Variants in H6PD observed in about 807,000 individuals in gnomAD.
The protein encoded by H6PD is hexose-6-phosphate dehydrogenase/glucose 1-dehydrogenase.
A neutral mutation model predicts 61.2 loss-of-function variants in H6PD; 48 were observed. That is an observed-to-expected ratio of 0.78 (90% CI 0.62 to 1.00). H6PD has a LOEUF of 1.00. Ranked by LOEUF, H6PD falls within the 50% of genes least tolerant of loss-of-function variation. H6PD has a pLI of 0.00. For missense variants in H6PD, 1,093 were observed against 1,065.0 expected, an observed-to-expected ratio of 1.03 and a Z score of -0.37; for synonymous variants, 480 against 457.9, an observed-to-expected ratio of 1.05 and a Z score of -0.62.
chr1:9,255,465 A>G (rs1034726360), intron 3 of H6PD, among the ~76,000 whole-genome samples: 2 of 151,748 alleles, frequency 1.3e-5, no homozygotes, highest in African/African-American at 4.8e-5. Context: ...TATTTTTTGT[A>G]GAGATGGGGT....
chr1:9,235,166 T>G (rs1640816802), intron 1 of H6PD, 100 bp downstream of exon 1: 1 of 151,582 alleles, frequency 6.6e-6, no homozygotes, highest in Non-Finnish European at 1.5e-5. Flanking sequence ...GAGCCTGCGC[T>G]GCCAGCCCCA....
intron 1 of H6PD, among the ~76,000 whole-genome samples, chr1:9,237,462 A>G (rs1030319861): frequency 6.6e-6 from 1 of 151,018 alleles, no homozygotes; most frequent in African/African-American, 2.4e-5. Flanking sequence ...TAAACTCCCG[A>G]CCTCCAATGA....
rs901434739 is a variant in H6PD at position 9,234,989 on chromosome 1, C to T, written c.-88C>T. 3 of 148,244 alleles carry T rather than the reference C, an allele frequency of 2.0e-5. No homozygotes were observed. Among genetic ancestry groups the T allele is most frequent in the African/African-American group, 7.3e-5 (3 of 40,984 alleles). 9.2% of individuals were successfully genotyped at this position (148,244 alleles called of 1,614,324 possible). ...GGTGCGGCCCAGGGCGCAGGGGAGCCCTCGGGAGCGGGCCCGGCCCTCAGC... is the reference window on the plus strand; with the variant it reads ...GGTGCGGCCCAGGGCGCAGGGGAGCTCTCGGGAGCGGGCCCGGCCCTCAGC... On this transcript the variant is annotated 5_prime_UTR_variant, in exon 1 of 5. Coordinates refer to ENST00000377403, the MANE Select transcript of H6PD (RefSeq NM_004285.4).
Position 9,264,896 on chromosome 1 carries a change from G to A in H6PD, c.*27G>A, listed in dbSNP as rs200536036. 264 of 1,608,388 alleles carry A rather than the reference G, an allele frequency of 1.6e-4. 2 individuals carry two copies. The East Asian group carries it at 3.0e-3, about 18-fold the overall frequency. On this transcript the variant is annotated 3_prime_UTR_variant, in exon 5 of 5. Transcript: ENST00000377403. Reference sequence around the variant, plus strand: ...GGCGCCTGTGCCCCTTGCCCGCTTCGCTCCTGTGCTTTCCTTCGCCCGTGT... The same window carrying A: ...GGCGCCTGTGCCCCTTGCCCGCTTCACTCCTGTGCTTTCCTTCGCCCGTGT...
chr1:9,259,383 T>C (rs1427603275), intron 3 of H6PD, among the ~76,000 whole-genome samples: 1 of 152,208 alleles, frequency 6.6e-6, no homozygotes, highest in Non-Finnish European at 1.5e-5. Context: ...GCCAGTGTTG[T>C]GTTGTTGTTA....
At chr1:9,244,198 G>T (rs1455643673) in intron 1 of H6PD, among the ~76,000 whole-genome samples, 1 of 152,152 alleles carries the variant, frequency 6.6e-6, no homozygotes. Context: ...TGCTTAATAG[G>T]TGATAGGTAC....
chr1:9,262,146 AG>A lies in H6PD; in HGVS notation c.834del (p.Glu278AspfsTer56). ...LTEVLTLVAM[E>X]LPHNVSSAEA... ...GAGGTCCTCACCCTCGTGGCCATGGAGCTGCCCCACAATGTCAGCAGTGCGG... is the reference window on the plus strand; with the variant it reads ...GAGGTCCTCACCCTCGTGGCCATGGACTGCCCCACAATGTCAGCAGTGCGG... On this transcript the variant is annotated frameshift_variant, in exon 4 of 5. Transcript: ENST00000377403. LOFTEE classifies it high-confidence loss of function. 6.2e-7 allele frequency: 1 copy of A among 1,614,188 alleles called. No individual in the cohort carries two copies. The highest frequency in any genetic ancestry group is 1.3e-5 in the African/African-American group (1 of 75,054).
In H6PD at chr1:9,269,600, A is replaced by G. The variant is rs1478478189; in HGVS notation, c.*4731A>G. On this transcript the variant is annotated 3_prime_UTR_variant, in exon 5 of 5. Coordinates refer to ENST00000377403, the MANE Select transcript of H6PD (RefSeq NM_004285.4). This position sits in a 1 kb window ranked among gnomAD's most constrained non-coding sequence, Gnocchi z 4.3. ...GTCCCGGTGTCAGTCGGCACAGTCC[A>G]GTGTCCATCTGCATTTGCTCATGCA... is the stretch of plus-strand genomic sequence containing the variant. 1.3e-5 allele frequency: 2 copies of G among 152,294 alleles called. No individual in the cohort carries two copies. The highest frequency in any genetic ancestry group is 2.4e-5 in the African/African-American group (1 of 41,466). The allele number at this position is 152,294 out of a possible 1,614,324, so 9.4% of individuals were successfully genotyped here.
rs201655325 is a variant in H6PD, at chr1:9,263,519, G to A, written c.1026G>A (p.Val342=). The A allele has an allele frequency of 2.5e-4, 396 of 1,614,040 alleles. No individual in the cohort carries two copies. The highest frequency in any genetic ancestry group is 3.2e-4 in the Non-Finnish European group (373 of 1,180,000). The change falls in exon 5 of 5, where the codon GTG becomes GTA. Residue 342 remains valine, a synonymous_variant. Coordinates refer to ENST00000377403, the MANE Select transcript of H6PD (RefSeq NM_004285.4). ...SLTPTFAAVL[V]HIDNLRWEGV... ...GTTCCCTCACCCCAGCCGTCCTAGT[G>A]CACATTGACAACCTTCGCTGGGAGG...
intron 3 of H6PD, among the ~76,000 whole-genome samples, chr1:9,253,064 C>T (rs1360401080): frequency 6.6e-6 from 1 of 152,196 alleles, no homozygotes; most frequent in Non-Finnish European, 1.5e-5. Context: ...TCAACATCAG[C>T]AGGAGGGCCA....
Position 9,263,609 on chromosome 1 carries a change from G to A in H6PD, c.1116G>A (p.Leu372=). The A allele has an allele frequency of 6.2e-7, 1 of 1,613,992 alleles. No individual in the cohort carries two copies. The highest frequency in any genetic ancestry group is 8.5e-7 in the Non-Finnish European group (1 of 1,179,792). The change falls in exon 5 of 5, where the codon TTG becomes TTA. Residue 372 remains leucine, a synonymous_variant. Transcript: ENST00000377403. The stretch of plus-strand genomic sequence containing the variant: ...AGAGAGTGGGCTACGCTCGGATCTT[G>A]TTCAAGAACCAGGCCTGCTGTGTGC... ...LDERVGYARI[L]FKNQACCVQS...
In H6PD at chr1:9,246,956, C is replaced by A. The variant is rs762384363; in HGVS notation, c.628-10C>A. On this transcript the variant is annotated splice_polypyrimidine_tract_variant and intron_variant, in intron 2 of 4. Transcript: ENST00000377403. Reference sequence around the variant, plus strand: ...ATCCTGCAGCACGCCCAGTCTTCCCCCCCCGACAGGCTGTGGCGCAGATCC... The same window carrying A: ...ATCCTGCAGCACGCCCAGTCTTCCCACCCCGACAGGCTGTGGCGCAGATCC... 5 of 1,592,530 alleles carry A rather than the reference C, an allele frequency of 3.1e-6. No individual in the cohort carries two copies. The South Asian group carries it at 3.3e-5, about 11-fold the overall frequency.
At chr1:9,236,483 C>A (rs1033794066) in intron 1 of H6PD, among the ~76,000 whole-genome samples, 7 of 152,066 alleles carry the variant, frequency 4.6e-5, no homozygotes, top group East Asian at 1.9e-4. Context: ...ATGGTGAAAC[C>A]CCGTCTCTAC....
rs1318304247 is a variant in H6PD, at chr1:9,268,445, G to GC, written c.*3579dup. 1.3e-5 allele frequency: 2 copies of GC among 152,206 alleles called. No homozygotes were observed. The highest frequency in any genetic ancestry group is 4.8e-5 in the African/African-American group (2 of 41,450). 9.4% of individuals were successfully genotyped at this position (152,206 alleles called of 1,614,324 possible). A position where few individuals can be genotyped will look rare whatever the true frequency, so the allele number is the denominator to read the frequency against. On this transcript the variant is annotated 3_prime_UTR_variant, in exon 5 of 5. Transcript: ENST00000377403. ...GACCAATGATTCCATCCGCATGGAA[G>GC]CCCACGTGTGCACTTAGGGGCCCAT...
At chr1:9,262,873 A>G (rs763372501) in intron 4 of H6PD, among the ~76,000 whole-genome samples, 12 of 152,174 alleles carry the variant, frequency 7.9e-5, no homozygotes, top group Non-Finnish European at 1.8e-4. Context: ...TCACGCACCA[A>G]CCACGAGGCA....
At chr1:9,239,873 A>G (rs1022353761) in intron 1 of H6PD, 8 of 547,886 alleles carry the variant, frequency 1.5e-5, no homozygotes, top group African/African-American at 1.2e-4. Context: ...CTAGAGCTTC[A>G]GCACAGGCTG....
At chr1:9,251,550 ATGCT>A (rs1641362988) in intron 3 of H6PD, among the ~76,000 whole-genome samples, 1 of 152,090 alleles carries the variant, frequency 6.6e-6, no homozygotes, top group South Asian at 2.1e-4. Flanking sequence ...AAGGAGCCTG[ATGCT>A]TGCCCACCTC....
At position 9,262,300 on chromosome 1, in the gene H6PD, C is replaced by T; in HGVS notation, c.987C>T (p.Ser329=). The T allele has an allele frequency of 6.2e-7, 1 of 1,607,702 alleles. No homozygotes were observed. The highest frequency in any genetic ancestry group is 2.2e-5 in the East Asian group (1 of 44,594). ...QVRRELQKPD[S]FHSLTPTFAA... is the part of the protein sequence containing the mutation. ...GCAGAGAGCTGCAGAAGCCAGACAG[C>T]TTCCACAGCCTGACGCCGACCTTCG... Residue 329 remains serine (S), a synonymous_variant, in exon 4 of 5, where the codon AGC becomes AGT. Coordinates refer to ENST00000377403, the MANE Select transcript of H6PD (RefSeq NM_004285.4).
At chr1:9,250,815 C>T (rs865817395) in intron 3 of H6PD, among the ~76,000 whole-genome samples, 2 of 152,224 alleles carry the variant, frequency 1.3e-5, no homozygotes, top group East Asian at 1.9e-4. Context: ...TTCCCCCACC[C>T]GCATCACACA....
Sources: allele counts gnomAD v4.1 joint callset (sites outside exome capture counted in the v4.1 genomes callset), GRCh38; gene constraint gnomAD v4.1.1; non-coding constraint Gnocchi (gnomAD v3.1); transcripts MANE v1.5; gene names NCBI Gene and HGNC (gene_info 2026-07-23, HGNC 2026-07-21).